Variants in RALGAPA2 observed in about 807,000 individuals in gnomAD.
RALGAPA2 encodes the protein ral GTPase-activating protein subunit alpha-2.
A neutral mutation model predicts 230.4 loss-of-function variants in RALGAPA2; 139 were observed. That is an observed-to-expected ratio of 0.60 (90% CI 0.53 to 0.69). RALGAPA2 has a LOEUF of 0.69. RALGAPA2 is among the 30% of genes least tolerant of loss of function. RALGAPA2 has a pLI of 0.00. For synonymous variants in RALGAPA2, 847 were observed against 837.8 expected (o/e 1.01, Z -0.19); for missense variants, 2,163 against 2,276.0 (o/e 0.95, Z 1.01).
intron 36 of RALGAPA2, among the ~76,000 whole-genome samples, chr20:20,489,906 GCATTTA>G (rs1162753480): frequency 6.6e-6 from 1 of 152,218 alleles, no homozygotes; most frequent in African/African-American, 2.4e-5. Context: ...CATTTGGTAT[GCATTTA>G]CACAGGCTGG....
intron 37 of RALGAPA2, among the ~76,000 whole-genome samples, chr20:20,430,780 C>G (rs1395748878): frequency 6.6e-6 from 1 of 152,204 alleles, no homozygotes; most frequent in Non-Finnish European, 1.5e-5. Flanking sequence ...ATGTACATCA[C>G]TGGGATCACC....
chr20:20,413,514 T>G (rs2060105410), intron 37 of RALGAPA2, among the ~76,000 whole-genome samples: 1 of 152,162 alleles, frequency 6.6e-6, no homozygotes, highest in Non-Finnish European at 1.5e-5. Context: ...TATCTCATTT[T>G]AAATCTGAAT....
At chr20:20,520,353 G>A (rs528368240) in intron 31 of RALGAPA2, among the ~76,000 whole-genome samples, 3 of 152,316 alleles carry the variant, frequency 2.0e-5, no homozygotes, top group African/African-American at 7.2e-5. Context: ...ATTCTGGGGA[G>A]AGGGGTGCTT....
intron 3 of RALGAPA2, among the ~76,000 whole-genome samples, chr20:20,674,180 C>T (rs1235526481): frequency 6.8e-6 from 1 of 146,992 alleles, no homozygotes; most frequent in Non-Finnish European, 1.5e-5. Flanking sequence ...TGGGCAATAC[C>T]CTGACTCAAA....
intron 30 of RALGAPA2, among the ~76,000 whole-genome samples, chr20:20,522,941 T>C (rs557722064): frequency 2.0e-5 from 3 of 152,308 alleles, no homozygotes; most frequent in East Asian, 3.9e-4. Context: ...AAGTATCTAA[T>C]GAATCCTAAT....
Position 20,452,329 on chromosome 20 carries a change from G to T in RALGAPA2, c.5495+20500C>A, listed in dbSNP as rs189418945. Among the ~76,000 whole-genome samples the T allele has an allele frequency of 8.8e-4, 134 of 152,354 alleles. 1 individual carries two copies. Among genetic ancestry groups the T allele is most frequent in the Admixed American group, 1.3e-3 (20 of 15,310 alleles). On this transcript the variant is annotated intron_variant, in intron 37 of 39. Coordinates refer to ENST00000202677, the MANE Select transcript of RALGAPA2 (RefSeq NM_020343.4). ...GACGTTTTAGCTGGAGGGGTTAAAA[G>T]TGTGGGTGTGGAAGTCAGCTTTTGT...
chr20:20,675,264 G>C (rs942455840), intron 3 of RALGAPA2, among the ~76,000 whole-genome samples: 4 of 152,120 alleles, frequency 2.6e-5, no homozygotes, highest in African/African-American at 9.7e-5. Flanking sequence ...GGAGAGAAAG[G>C]GGAACCAGGG....
chr20:20,667,550 C>A (rs1385217981), intron 3 of RALGAPA2, among the ~76,000 whole-genome samples: 1 of 152,236 alleles, frequency 6.6e-6, no homozygotes, highest in East Asian at 1.9e-4. Context: ...CAAAAGCTAG[C>A]ATCCACAATA....
At chr20:20,672,215 C>T (rs2068160059) in intron 3 of RALGAPA2, among the ~76,000 whole-genome samples, 1 of 152,140 alleles carries the variant, frequency 6.6e-6, no homozygotes, top group Non-Finnish European at 1.5e-5. Context: ...AAGACAAATC[C>T]TCTGGGAGAA....
chr20:20,613,449 C>T (rs1244298609), intron 13 of RALGAPA2, among the ~76,000 whole-genome samples: 1 of 152,200 alleles, frequency 6.6e-6, no homozygotes, highest in Non-Finnish European at 1.5e-5. Flanking sequence ...GTCTCAGCCA[C>T]CATCATCTAT....
At chr20:20,528,291 C>T (rs1036886452) in intron 27 of RALGAPA2, among the ~76,000 whole-genome samples, 2 of 152,184 alleles carry the variant, frequency 1.3e-5, no homozygotes, top group South Asian at 2.1e-4. Context: ...CTGAGCGCTC[C>T]AGCCTGTGGG....
intron 36 of RALGAPA2, among the ~76,000 whole-genome samples, chr20:20,492,564 T>C (rs1461746024): frequency 6.6e-6 from 1 of 152,180 alleles, no homozygotes; most frequent in Non-Finnish European, 1.5e-5. Flanking sequence ...TAAATTATTG[T>C]ACCAAATGGC....
intron 27 of RALGAPA2, 137 bp from the exon 28 acceptor site, chr20:20,526,499 T>A (rs533474357): frequency 1.7e-6 from 1 of 594,404 alleles, no homozygotes; most frequent in African/African-American, 1.9e-5. Context: ...GAAAAATATG[T>A]CCTATTACCA....
chr20:20,564,926 G>GT (rs1272613677), intron 23 of RALGAPA2, among the ~76,000 whole-genome samples: 4 of 151,986 alleles, frequency 2.6e-5, no homozygotes, highest in Non-Finnish European at 4.4e-5. Flanking sequence ...TAAACCTATA[G>GT]TTTTTTTTAA....
At chr20:20,411,966 T>C (rs1258980731) in intron 38 of RALGAPA2, 61 bp downstream of exon 38, 12 of 1,595,192 alleles carry the variant, frequency 7.5e-6, no homozygotes, top group Non-Finnish European at 1.0e-5. Flanking sequence ...GAAAAACAGG[T>C]GTACATCTGC....
chr20:20,427,359 G>A (rs889724663), intron 37 of RALGAPA2, among the ~76,000 whole-genome samples: 21 of 152,028 alleles, frequency 1.4e-4, no homozygotes, highest in African/African-American at 5.1e-4. Context: ...GAGCAGAGGC[G>A]GGAGTGACAG....
At chr20:20,542,464 C>G (rs2063672277) in intron 24 of RALGAPA2, among the ~76,000 whole-genome samples, 1 of 152,096 alleles carries the variant, frequency 6.6e-6, no homozygotes. Flanking sequence ...CAATCCTAAG[C>G]AAAAAGAACA....
chr20:20,496,566 T>A (rs968665941), intron 35 of RALGAPA2, among the ~76,000 whole-genome samples: 5 of 152,174 alleles, frequency 3.3e-5, no homozygotes, highest in Admixed American at 3.3e-4. Context: ...TGCTTCCTTA[T>A]CTAACAGATG....
intron 16 of RALGAPA2, among the ~76,000 whole-genome samples, chr20:20,600,336 T>C (rs1438851092): frequency 6.6e-6 from 1 of 151,960 alleles, no homozygotes. Flanking sequence ...TAAAAGCAAA[T>C]AGTTTTTAGG....
Sources: gnomAD v4.1 joint callset for allele counts (sites outside exome capture counted in the v4.1 genomes callset) on GRCh38, gnomAD v4.1.1 for gene constraint, MANE v1.5 for transcripts, NCBI Gene and HGNC (gene_info 2026-07-23, HGNC 2026-07-21) for gene names.